Variants in NRXN2 observed in about 807,000 individuals in gnomAD.
NRXN2 encodes neurexin 2.
In NRXN2, 29 loss-of-function variants were observed where a neutral mutation model predicts 128.8. The ratio of observed to expected loss-of-function variants is 0.23; its 90% CI spans 0.17 to 0.31. The LOEUF is 0.31. Ranked by LOEUF, NRXN2 falls within the 10% of genes least tolerant of loss-of-function variation. NRXN2 has a pLI of 1.00. For synonymous variants in NRXN2, 1,098 were observed against 1,075.2 expected (o/e 1.02, Z -0.41); for missense variants, 1,881 against 2,452.6 (o/e 0.77, Z 4.92).
intron 20 of NRXN2, 71 bp downstream of exon 20, chr11:64,626,392 G>T: frequency 1.6e-6 from 2 of 1,274,444 alleles, no homozygotes; most frequent in Non-Finnish European, 2.2e-6. Flanking sequence ...GAGGGGGAAA[G>T]AGAGAGCTCT....
At chr11:64,721,374 G>GCC (rs2057428495) in intron 1 of NRXN2, among the ~76,000 whole-genome samples, 1 of 151,972 alleles carries the variant, frequency 6.6e-6, no homozygotes, top group Non-Finnish European at 1.5e-5. Flanking sequence ...GAACTGCCCG[G>GCC]CAGCCGTGGC....
At chr11:64,690,564 G>A (rs986560329) in intron 4 of NRXN2, 88 bp from the exon 5 acceptor site, 4 of 1,178,258 alleles carry the variant, frequency 3.4e-6, no homozygotes, top group African/African-American at 3.0e-5. Context: ...CCTCTCCAGG[G>A]TGGAGGTGCT....
Position 64,607,151 on chromosome 11 carries a change from C to A in NRXN2, c.*45G>T. 6.3e-7 allele frequency: 1 copy of A among 1,591,672 alleles called. No homozygotes were observed. The highest frequency in any genetic ancestry group is 8.6e-7 in the Non-Finnish European group (1 of 1,165,540). The stretch of plus-strand genomic sequence containing the variant: ...GAGAGGGTGGCACCCTCCTCCCGGG[C>A]CCTCCCAGGAGGGGCAGCTGGCAGT... On this transcript the variant is annotated 3_prime_UTR_variant, in exon 23 of 23. Coordinates refer to ENST00000265459, the MANE Select transcript of NRXN2 (RefSeq NM_015080.4).
intron 9 of NRXN2, among the ~76,000 whole-genome samples, chr11:64,662,110 T>C (rs2049112470): frequency 6.8e-6 from 1 of 147,714 alleles, no homozygotes; most frequent in Non-Finnish European, 1.5e-5. Flanking sequence ...AAAAAAAAAT[T>C]AGCCGGGTGT....
intron 7 of NRXN2, among the ~76,000 whole-genome samples, chr11:64,674,021 C>T (rs193254885): frequency 7.0e-6 from 1 of 142,622 alleles, no homozygotes; most frequent in Admixed American, 7.1e-5. Flanking sequence ...CTAGGCAACA[C>T]AGCAAGACTC....
rs1374686719 is a variant in NRXN2, at chr11:64,713,187, G to A, written c.513C>T (p.Tyr171=). The A allele has an allele frequency of 2.7e-6, 4 of 1,468,872 alleles. No homozygotes were observed. 91.0% of individuals were successfully genotyped at this position (1,468,872 alleles called of 1,614,324 possible). Residue 171 remains tyrosine, a synonymous_variant, in exon 2 of 23, where the codon TAC becomes TAT. Coordinates refer to ENST00000265459, the MANE Select transcript of NRXN2 (RefSeq NM_015080.4). The part of the protein sequence containing the change: ...LSALTLSTVK[Y]EPPFRGLLAN... ...CCAAGAGGCCGCGGAAGGGCGGCTC[G>A]TACTTGACGGTGCTCAGCGTAAGCG...
intron 21 of NRXN2, among the ~76,000 whole-genome samples, chr11:64,621,074 A>AG (rs1357786814): frequency 3.9e-5 from 6 of 152,136 alleles, no homozygotes; most frequent in Non-Finnish European, 7.4e-5. Flanking sequence ...AACTGCGGGA[A>AG]GGTGAGGAGA....
chr11:64,629,984 G>A (rs532706935), intron 19 of NRXN2, among the ~76,000 whole-genome samples: 2 of 152,150 alleles, frequency 1.3e-5, no homozygotes, highest in African/African-American at 4.8e-5. Flanking sequence ...GCCAAGACAC[G>A]TTTTATATTA....
At chr11:64,611,073 C>T (rs535927265) in intron 22 of NRXN2, among the ~76,000 whole-genome samples, 10 of 152,326 alleles carry the variant, frequency 6.6e-5, no homozygotes, top group South Asian at 6.2e-4. Flanking sequence ...GAAGGGCCAA[C>T]GGCCCGGGTC....
intron 21 of NRXN2, among the ~76,000 whole-genome samples, chr11:64,621,788 C>G (rs2042385831): frequency 6.6e-6 from 1 of 152,174 alleles, no homozygotes; most frequent in Non-Finnish European, 1.5e-5. Context: ...CCTCCCTGTG[C>G]TAACGGTCAG....
rs148703258 is a variant in NRXN2, at chr11:64,660,895, G to C, written c.2043C>G (p.Gly681=). The change falls in exon 10 of 23, where the codon GGC becomes GGG. Residue 681 remains glycine, a synonymous_variant. Coordinates refer to ENST00000265459, the MANE Select transcript of NRXN2 (RefSeq NM_015080.4). The surrounding 1 kb of genome is among the most constrained non-coding windows in gnomAD (Gnocchi z 5.2). ...TCTCCCGGGAGCAAAAGGGGGCAAC[G>C]CCCACAGCCCCCTGAGCCTCAGCCA... ...RGLAEAQGAV[G]VAPFCSRETL... is the part of the protein sequence containing the mutation. 1.7e-5 allele frequency: 27 copies of C among 1,613,554 alleles called. No individual in the cohort carries two copies. The African/African-American group carries it at 3.1e-4, about 18-fold the overall frequency.
intron 19 of NRXN2, among the ~76,000 whole-genome samples, chr11:64,628,408 G>A (rs1232445052): frequency 6.6e-6 from 1 of 152,180 alleles, no homozygotes; most frequent in Non-Finnish European, 1.5e-5. Flanking sequence ...CATACTGATG[G>A]TCTGACCTGC....
chr11:64,640,742 G>A (rs1270146752), intron 17 of NRXN2, among the ~76,000 whole-genome samples: 1 of 152,172 alleles, frequency 6.6e-6, no homozygotes, highest in Non-Finnish European at 1.5e-5. Flanking sequence ...GTGCTCCAGG[G>A]AAACTGGATG....
At chr11:64,704,110 A>T (rs937166198) in intron 2 of NRXN2, among the ~76,000 whole-genome samples, 1 of 120,198 alleles carries the variant, frequency 8.3e-6, no homozygotes, top group Non-Finnish European at 2.0e-5. Context: ...CTACTCACAG[A>T]AACTGTCAGG....
chr11:64,680,023 G>A (rs752733669), intron 6 of NRXN2, among the ~76,000 whole-genome samples: 5 of 152,160 alleles, frequency 3.3e-5, no homozygotes, highest in Admixed American at 6.5e-5. Flanking sequence ...CCTGGAGCCT[G>A]GGAGCACAAG....
In NRXN2 at chr11:64,651,663, G is replaced by A. The variant is rs200199783; in HGVS notation, c.2537-27C>T. ...TGCTCAGGACAGGAGACCAAGATGA[G>A]GGGGATGGCTTTGGGGCAGGGCTGG... On this transcript the variant is annotated intron_variant, in intron 13 of 22. Coordinates refer to ENST00000265459, the MANE Select transcript of NRXN2 (RefSeq NM_015080.4). The surrounding 1 kb of genome is among the most constrained non-coding windows in gnomAD (Gnocchi z 5.9). 6.2e-7 allele frequency: 1 copy of A among 1,612,044 alleles called. No individual in the cohort carries two copies. The highest frequency in any genetic ancestry group is 1.7e-5 in the Admixed American group (1 of 59,994).
intron 17 of NRXN2, among the ~76,000 whole-genome samples, chr11:64,638,013 C>G (rs2045029229): frequency 6.6e-6 from 1 of 152,118 alleles, no homozygotes; most frequent in South Asian, 2.1e-4. Context: ...AAAGACCCAG[C>G]GTAGAGAGGC....
rs954185613 is a variant in NRXN2, at chr11:64,664,151, G to C, written c.1799-3012C>G. 2.6e-5 allele frequency among the ~76,000 whole-genome samples: 4 copies of C among 152,262 alleles called. No individual in the cohort carries two copies. The East Asian group carries it at 5.8e-4, about 22-fold the overall frequency. ...GTGATATTTACACAACAATATAAGT[G>C]TACTTAACATCACTGAACTGCATAC... On this transcript the variant is annotated intron_variant, in intron 9 of 22. Transcript: ENST00000265459.
chr11:64,698,891 C>T (rs1445801911), intron 2 of NRXN2, among the ~76,000 whole-genome samples: 2 of 152,178 alleles, frequency 1.3e-5, no homozygotes, highest in African/African-American at 4.8e-5. Flanking sequence ...TCCTGGGAGC[C>T]TTTAGATGAA....
Sources: allele counts gnomAD v4.1 joint callset (sites outside exome capture counted in the v4.1 genomes callset), GRCh38; gene constraint gnomAD v4.1.1; non-coding constraint Gnocchi (gnomAD v3.1); transcripts MANE v1.5; gene names NCBI Gene and HGNC (gene_info 2026-07-23, HGNC 2026-07-21).